CTBP2: variants seen among roughly 807,000 people sequenced by gnomAD.
CTBP2 encodes C-terminal binding protein 2, also known as C-terminal-binding protein 2.
CTBP2 carries 30 observed loss-of-function variants against 80.3 expected under a neutral mutation model. The observed-to-expected ratio is 0.37, with a 90% confidence interval of 0.28 to 0.51. CTBP2 has a LOEUF of 0.51. CTBP2 is among the 20% of genes least tolerant of loss of function. The pLI is 0.93. For synonymous variants in CTBP2, 594 were observed against 587.4 expected (o/e 1.01, Z -0.16); for missense variants, 1,212 against 1,375.3 (o/e 0.88, Z 1.88).
intron 1 of CTBP2, among the ~76,000 whole-genome samples, chr10:125,159,474 G>A (rs1861561323): frequency 6.8e-6 from 1 of 146,366 alleles, no homozygotes; most frequent in African/African-American, 2.5e-5. Context: ...GACTTTGGCG[G>A]GCCGAGCCCC....
chr10:125,038,388 C>T (rs1039479828), intron 3 of CTBP2, among the ~76,000 whole-genome samples: 1 of 152,192 alleles, frequency 6.6e-6, no homozygotes, highest in Non-Finnish European at 1.5e-5. Flanking sequence ...CAGGTGCACT[C>T]ACCCCTAAAC....
intron 1 of CTBP2, among the ~76,000 whole-genome samples, chr10:125,141,622 A>G (rs1018314545): frequency 5.9e-5 from 9 of 152,146 alleles, no homozygotes; most frequent in African/African-American, 2.2e-4. Flanking sequence ...CAGTAAGCAC[A>G]TGGCAAGCAC....
At chr10:125,146,165 G>C (rs545700165) in intron 1 of CTBP2, among the ~76,000 whole-genome samples, 2 of 152,184 alleles carry the variant, frequency 1.3e-5, no homozygotes, top group African/African-American at 4.8e-5. Flanking sequence ...AAGAGACAGG[G>C]TTTTGCCATG....
intron 2 of CTBP2, among the ~76,000 whole-genome samples, chr10:125,045,032 T>C (rs1443975525): frequency 2.6e-5 from 4 of 152,226 alleles, no homozygotes; most frequent in Non-Finnish European, 5.9e-5. Flanking sequence ...TCTTCCATGC[T>C]GAATGCTGGA....
chr10:125,093,022 C>T (rs770321266), intron 2 of CTBP2, among the ~76,000 whole-genome samples: 3 of 152,172 alleles, frequency 2.0e-5, no homozygotes, highest in South Asian at 2.1e-4. Flanking sequence ...ACTCAGAACG[C>T]GCACTCAGTG....
chr10:125,093,338 G>T (rs923433161), intron 2 of CTBP2, among the ~76,000 whole-genome samples: 1 of 152,186 alleles, frequency 6.6e-6, no homozygotes, highest in African/African-American at 2.4e-5. Flanking sequence ...GAATTCCAGC[G>T]GCCAAATGTC....
chr10:125,055,485 C>T (rs1186856026), intron 2 of CTBP2, among the ~76,000 whole-genome samples: 6 of 152,160 alleles, frequency 3.9e-5, no homozygotes. Context: ...TTCAGAGAAC[C>T]TGAGACTCAA....
chr10:125,066,350 G>A lies in CTBP2; in HGVS notation c.-101-27195C>T, dbSNP rs762096196. 1.3e-5 allele frequency among the ~76,000 whole-genome samples: 2 copies of A among 152,096 alleles called. No homozygotes were observed. The highest frequency in any genetic ancestry group is 2.4e-5 in the African/African-American group (1 of 41,432). ...CCAACATCAGGACCAGCGAGAAATC[G>A]GGAAAACATCAAGTCAGAACGTCCC... On this transcript the variant is annotated intron_variant, in intron 2 of 10. Coordinates refer to the CTBP2 transcript ENST00000337195. This position sits in a 1 kb window ranked among gnomAD's most constrained non-coding sequence, Gnocchi z 4.1.
At chr10:125,035,295 G>A (rs1441033165) in intron 3 of CTBP2, among the ~76,000 whole-genome samples, 2 of 152,092 alleles carry the variant, frequency 1.3e-5, no homozygotes, top group African/African-American at 2.4e-5. Context: ...CTCTGTGGTC[G>A]TGAGAACATT....
intron 1 of CTBP2, among the ~76,000 whole-genome samples, chr10:125,118,691 G>T (rs1388677970): frequency 8.6e-6 from 1 of 116,164 alleles, no homozygotes; most frequent in Admixed American, 1.3e-4. Flanking sequence ...ACCTGAACTT[G>T]AAAGAGACCA....
At chr10:125,005,451 T>C (rs1258336584) in intron 1 of CTBP2, 18 of 1,263,100 alleles carry the variant, frequency 1.4e-5, no homozygotes, top group East Asian at 2.5e-5. Flanking sequence ...GGTGTCCGCA[T>C]GGATCCGCAC....
At chr10:124,993,754 C>T (rs1221610035) in intron 6 of CTBP2, 101 bp downstream of exon 8, 2 of 1,404,496 alleles carry the variant, frequency 1.4e-6, no homozygotes, top group African/African-American at 1.4e-5. Flanking sequence ...GTTTCCTGCC[C>T]AGGGACCTGT....
intron 1 of CTBP2, among the ~76,000 whole-genome samples, chr10:125,025,374 G>A (rs1339724999): frequency 1.3e-5 from 2 of 152,222 alleles, no homozygotes; most frequent in African/African-American, 2.4e-5. Flanking sequence ...CCTGGCACAT[G>A]TTGTGAAGAA....
Position 125,026,386 on chromosome 10 carries a change from C to A in CTBP2, c.1374G>T (p.Gln458His). The change falls in exon 1 of 9, where the codon CAG (glutamine) becomes CAT (histidine). Residue 458 changes from glutamine to histidine, a missense_variant. Transcript: ENST00000309035. ...CCGGGTTAGTCAAGGCCACCCCTGC[C>A]TGCAGGGGGTACGTGGGGCTCAGAC... 1 of 1,611,430 alleles carries A rather than the reference C, an allele frequency of 6.2e-7. No individual in the cohort carries two copies. Among genetic ancestry groups the A allele is most frequent in the Non-Finnish European group, 8.5e-7 (1 of 1,178,118 alleles).
chr10:125,102,463 G>C lies in CTBP2; in HGVS notation c.-102+8527C>G, dbSNP rs1249127211. ...CTGTTTAAACACACAGGCAGAGAGG[G>C]CTTTCCGGCCTTCAGCAGGCCTCTG... On this transcript the variant is annotated intron_variant, in intron 2 of 10. Transcript: ENST00000337195. 3.3e-5 allele frequency among the ~76,000 whole-genome samples: 5 copies of C among 152,358 alleles called. No individual in the cohort carries two copies. In the East Asian group the frequency reaches 5.8e-4, roughly 18 times the overall value.
At chr10:125,087,075 CT>C (rs564770474) in intron 2 of CTBP2, among the ~76,000 whole-genome samples, 38,732 of 136,334 alleles carry the variant, frequency 0.28, 5,116 homozygotes, top group African/African-American at 0.36. Flanking sequence ...CAATTTCTTT[CT>C]TTTTTTTTTT....
intron 1 of CTBP2, among the ~76,000 whole-genome samples, chr10:125,156,283 T>A (rs1860899807): frequency 6.6e-6 from 1 of 152,154 alleles, no homozygotes; most frequent in Non-Finnish European, 1.5e-5. Flanking sequence ...CCTGATAGAT[T>A]AACAGAGGGA....
chr10:125,135,017 C>T (rs545095868), intron 1 of CTBP2, among the ~76,000 whole-genome samples: 3 of 152,292 alleles, frequency 2.0e-5, no homozygotes, highest in East Asian at 1.9e-4. Context: ...CAAACCTTCC[C>T]GTCATAGGCA....
intron 1 of CTBP2, among the ~76,000 whole-genome samples, chr10:125,022,478 GGGT>G (rs1957146291): frequency 7.3e-6 from 1 of 136,818 alleles, no homozygotes; most frequent in African/African-American, 3.7e-5. Flanking sequence ...AGAACAGCAG[GGGT>G]ACAGGTCAAT....
Sources: allele counts gnomAD v4.1 joint callset (sites outside exome capture counted in the v4.1 genomes callset), GRCh38; gene constraint gnomAD v4.1.1; non-coding constraint Gnocchi (gnomAD v3.1); transcripts MANE v1.5; gene names NCBI Gene and HGNC (gene_info 2026-07-23, HGNC 2026-07-21).